Variants in EEFSEC observed in about 807,000 individuals in gnomAD.
EEFSEC encodes the protein selenocysteine-specific elongation factor.
EEFSEC carries 43 observed loss-of-function variants against 42.1 expected under a neutral mutation model. The observed-to-expected ratio is 1.02, with a 90% CI of 0.80 to 1.32. EEFSEC has a LOEUF of 1.32. Ranked by LOEUF, EEFSEC falls within the 40% of genes most tolerant of loss-of-function variation. The pLI, the probability that EEFSEC is intolerant of heterozygous loss-of-function variation, is 0.00. For missense variants in EEFSEC, 745 were observed against 803.6 expected (o/e 0.93, Z 0.88); for synonymous variants, 354 against 339.1 (o/e 1.04, Z -0.48).
At chr3:128,338,147 A>T (rs185660526) in intron 4 of EEFSEC, among the ~76,000 whole-genome samples, 1 of 152,386 alleles carries the variant, frequency 6.6e-6, no homozygotes, top group Non-Finnish European at 1.5e-5. Flanking sequence ...TGCCTTATTC[A>T]TACAGTTCAG....
chr3:128,225,424 C>G (rs1449349468), intron 1 of EEFSEC, among the ~76,000 whole-genome samples: 1 of 152,208 alleles, frequency 6.6e-6, no homozygotes, highest in Admixed American at 6.5e-5. Flanking sequence ...GAAGACTATA[C>G]AGCCTTTGGG....
chr3:128,377,350 C>T (rs1168341206), intron 6 of EEFSEC, among the ~76,000 whole-genome samples: 1 of 152,172 alleles, frequency 6.6e-6, no homozygotes, highest in Non-Finnish European at 1.5e-5. Flanking sequence ...TCAGACAGAG[C>T]TTGGTCTGAA....
chr3:128,189,159 G>A (rs2065495526), intron 1 of EEFSEC, among the ~76,000 whole-genome samples: 1 of 152,212 alleles, frequency 6.6e-6, no homozygotes, highest in South Asian at 2.1e-4. Flanking sequence ...TCCGTGGGCA[G>A]CCCCTCTGGC....
At chr3:128,349,756 C>A (rs1361005902) in intron 5 of EEFSEC, among the ~76,000 whole-genome samples, 1 of 152,240 alleles carries the variant, frequency 6.6e-6, no homozygotes, top group Non-Finnish European at 1.5e-5. Context: ...ACACCACCTG[C>A]AGGACAAAGA....
chr3:128,340,630 G>A (rs148401625), intron 4 of EEFSEC, among the ~76,000 whole-genome samples: 2 of 152,294 alleles, frequency 1.3e-5, no homozygotes, highest in Non-Finnish European at 2.9e-5. Context: ...CAAGCCAGCA[G>A]GCAGCAGATA....
At chr3:128,250,039 G>A (rs2066168112) in intron 2 of EEFSEC, among the ~76,000 whole-genome samples, 1 of 152,028 alleles carries the variant, frequency 6.6e-6, no homozygotes, top group Non-Finnish European at 1.5e-5. Context: ...ATGGCCATTT[G>A]TGTATCTTTT....
At chr3:128,257,022 G>A (rs1222843897) in intron 2 of EEFSEC, among the ~76,000 whole-genome samples, 1 of 152,170 alleles carries the variant, frequency 6.6e-6, no homozygotes, top group Non-Finnish European at 1.5e-5. Context: ...TGGTATTACA[G>A]GTGTGAGCCA....
chr3:128,193,506 G>A (rs552114890), intron 1 of EEFSEC, among the ~76,000 whole-genome samples: 14 of 152,300 alleles, frequency 9.2e-5, no homozygotes, highest in African/African-American at 3.4e-4. Context: ...ATCCAGTTAC[G>A]TAATTTTTTC....
intron 4 of EEFSEC, among the ~76,000 whole-genome samples, chr3:128,267,802 T>TGC (rs1483886321): frequency 6.6e-6 from 1 of 152,210 alleles, no homozygotes; most frequent in African/African-American, 2.4e-5. Context: ...GAAATAGAGA[T>TGC]GGACTTCTAT....
chr3:128,282,606 A>G (rs1234313917), intron 4 of EEFSEC, among the ~76,000 whole-genome samples: 1 of 152,072 alleles, frequency 6.6e-6, no homozygotes, highest in Non-Finnish European at 1.5e-5. Flanking sequence ...TGAGCCCTAG[A>G]GTGTACACAG....
chr3:128,251,385 T>C (rs372614549), intron 2 of EEFSEC, among the ~76,000 whole-genome samples: 7 of 152,376 alleles, frequency 4.6e-5, no homozygotes, highest in African/African-American at 1.7e-4. Flanking sequence ...AACTTTTTGC[T>C]GTGCATTGCC....
intron 4 of EEFSEC, among the ~76,000 whole-genome samples, chr3:128,318,543 A>G (rs967727072): frequency 2.6e-5 from 4 of 152,156 alleles, no homozygotes; most frequent in African/African-American, 9.7e-5. Flanking sequence ...CTCTCTCCTA[A>G]TTAATGGCAG....
rs913565719 is a variant in EEFSEC, at chr3:128,341,525, A to G, written c.1079A>G (p.Gln360Arg). ...FFSPAPDNFD[Q>R]EPILDSFNFS... is the part of the protein sequence containing the mutation. ...AGTCCTGCTCCAGATAACTTTGACC[A>G]GGAGCCTATACTGGACTCTTTCAAC... The change falls in exon 5 of 7, where the codon CAG becomes CGG. Residue 360 changes from glutamine to arginine, a missense_variant. Coordinates refer to ENST00000254730, the MANE Select transcript of EEFSEC (RefSeq NM_021937.5). The G allele has an allele frequency of 1.9e-6, 3 of 1,614,134 alleles. No individual in the cohort carries two copies. The highest frequency in any genetic ancestry group is 3.3e-5 in the Admixed American group (2 of 60,030).
chr3:128,296,161 C>T (rs2066704008), intron 4 of EEFSEC, among the ~76,000 whole-genome samples: 1 of 152,160 alleles, frequency 6.6e-6, no homozygotes, highest in African/African-American at 2.4e-5. Context: ...GAGATTTCAT[C>T]ATCCTGAGCC....
At chr3:128,248,684 A>G (rs1165469296) in intron 2 of EEFSEC, among the ~76,000 whole-genome samples, 3 of 152,178 alleles carry the variant, frequency 2.0e-5, no homozygotes, top group African/African-American at 7.2e-5. Flanking sequence ...TCCCGCAAAA[A>G]AACCCAGTAC....
chr3:128,404,404 C>T (rs13077684), intron 6 of EEFSEC, among the ~76,000 whole-genome samples: 1,627 of 152,344 alleles, frequency 0.011, 12 homozygotes, highest in Middle Eastern at 0.051. Flanking sequence ...TTGTGTGTAA[C>T]GAGAGCCATC....
At chr3:128,399,484 C>A (rs2068023698) in intron 6 of EEFSEC, among the ~76,000 whole-genome samples, 1 of 152,174 alleles carries the variant, frequency 6.6e-6, no homozygotes, top group Non-Finnish European at 1.5e-5. Context: ...CAGCAGAGTA[C>A]AGGTCTGATA....
At chr3:128,318,169 G>C (rs190025851) in intron 4 of EEFSEC, among the ~76,000 whole-genome samples, 25 of 152,248 alleles carry the variant, frequency 1.6e-4, no homozygotes, top group Admixed American at 1.6e-3. Context: ...CTTGCATGGC[G>C]CCCTCCCGTG....
intron 6 of EEFSEC, among the ~76,000 whole-genome samples, chr3:128,362,614 A>T (rs2067541209): frequency 1.3e-5 from 2 of 152,226 alleles, no homozygotes; most frequent in African/African-American, 4.8e-5. Context: ...ATTGAGGGGC[A>T]CGCGGAGCTT....
Sources: gnomAD v4.1 joint callset for allele counts (sites outside exome capture counted in the v4.1 genomes callset) on GRCh38, gnomAD v4.1.1 for gene constraint, MANE v1.5 for transcripts, NCBI Gene and HGNC (gene_info 2026-07-23, HGNC 2026-07-21) for gene names.